MARCHF1: variants seen among roughly 807,000 people sequenced by gnomAD.
MARCHF1 encodes membrane associated ring-CH-type finger 1.
MARCHF1 carries 40 observed loss-of-function variants against 54.2 expected under a neutral mutation model. That is an observed-to-expected ratio of 0.74 (90% CI 0.57 to 0.96). The LOEUF (loss-of-function observed/expected upper bound fraction) is 0.96, where lower values mean the gene tolerates loss of function less well. Ranked by LOEUF, MARCHF1 falls within the 40% of genes least tolerant of loss-of-function variation. MARCHF1 has a pLI of 0.00. For missense variants in MARCHF1, 586 were observed against 656.5 expected (o/e 0.89, Z 1.17); for synonymous variants, 236 against 236.3 (o/e 1.00, Z 0.01).
At chr4:164,178,850 C>T (rs1334450804) in intron 1 of MARCHF1, among the ~76,000 whole-genome samples, 1 of 151,906 alleles carries the variant, frequency 6.6e-6, no homozygotes, top group Non-Finnish European at 1.5e-5. Flanking sequence ...CATACAAAGG[C>T]CTAGGGAAAA....
chr4:164,208,086 T>C (rs900093165), intron 1 of MARCHF1, among the ~76,000 whole-genome samples: 1 of 152,144 alleles, frequency 6.6e-6, no homozygotes, highest in Admixed American at 6.5e-5. Context: ...GCAAGGGGGA[T>C]TGTGTATGAA....
chr4:164,047,239 A>G (rs558519977), intron 2 of MARCHF1, among the ~76,000 whole-genome samples: 1,067 of 57,984 alleles, frequency 0.018, 14 homozygotes, highest in African/African-American at 0.12. Flanking sequence ...GCAAGAAAAA[A>G]GGCACTTCAA....
At chr4:163,562,584 A>T (rs2110981216) in intron 8 of MARCHF1, among the ~76,000 whole-genome samples, 1 of 151,868 alleles carries the variant, frequency 6.6e-6, no homozygotes, top group African/African-American at 2.4e-5. Context: ...CCCCAGTCTC[A>T]TCACACTCTC....
At chr4:163,613,434 T>C (rs762104559) in intron 5 of MARCHF1, 41 bp from the exon 6 acceptor site, 1 of 1,613,194 alleles carries the variant, frequency 6.2e-7, no homozygotes, top group Non-Finnish European at 8.5e-7. Context: ...TTGGTTAAGG[T>C]AATACATGGT....
rs35143590 is a variant in MARCHF1 at position 164,010,062 on chromosome 4, C to CTTTTT, written c.-247-21358_-247-21354dup. Among the ~76,000 whole-genome samples the CTTTTT allele has an allele frequency of 2.0e-5, 2 of 98,572 alleles. 1 individual carries two copies. Among genetic ancestry groups the CTTTTT allele is most frequent in the African/African-American group, 7.5e-5 (2 of 26,736 alleles). The allele number at this position is 98,572 out of a possible 152,430, so 64.7% of individuals were successfully genotyped here. A position where few individuals can be genotyped will look rare whatever the true frequency, so the allele number is the denominator to read the frequency against. Reference sequence around the variant, plus strand: ...AACCTAAAGACTCCATCAAAAAACTCTTTTTTTTTTTTTTTTTTTTTTTAG... The same window carrying CTTTTT: ...AACCTAAAGACTCCATCAAAAAACTCTTTTTTTTTTTTTTTTTTTTTTTTTTTTAG... On this transcript the variant is annotated intron_variant, in intron 2 of 9. Coordinates refer to ENST00000514618, the MANE Select transcript of MARCHF1 (RefSeq NM_001394959.1).
intron 5 of MARCHF1, among the ~76,000 whole-genome samples, chr4:163,698,865 C>T (rs1744714919): frequency 6.6e-6 from 1 of 152,138 alleles, no homozygotes. Flanking sequence ...AGACAGATGA[C>T]AGAGTTCTTT....
At chr4:163,618,874 G>C (rs138188064) in intron 5 of MARCHF1, among the ~76,000 whole-genome samples, 13 of 152,206 alleles carry the variant, frequency 8.5e-5, no homozygotes, top group African/African-American at 2.4e-4. Context: ...CCCAATAGTG[G>C]GGTTCTGATG....
chr4:164,052,422 C>T (rs1425010070), intron 2 of MARCHF1, among the ~76,000 whole-genome samples: 1 of 151,980 alleles, frequency 6.6e-6, no homozygotes, highest in African/African-American at 2.4e-5. Flanking sequence ...ATCCCACCTA[C>T]TATGGAGGCT....
At chr4:163,567,571 G>A (rs1739686105) in intron 8 of MARCHF1, among the ~76,000 whole-genome samples, 1 of 152,148 alleles carries the variant, frequency 6.6e-6, no homozygotes, top group African/African-American at 2.4e-5. Context: ...GGTATTTCCT[G>A]TGCTATTCTC....
intron 1 of MARCHF1, among the ~76,000 whole-genome samples, chr4:164,330,399 C>CA (rs1183894018): frequency 3.9e-5 from 6 of 152,112 alleles, no homozygotes; most frequent in African/African-American, 1.4e-4. Flanking sequence ...TCCCCTCCAT[C>CA]ACTTGATCTC....
At chr4:164,173,223 A>G (rs1228191650) in intron 1 of MARCHF1, among the ~76,000 whole-genome samples, 1 of 152,222 alleles carries the variant, frequency 6.6e-6, no homozygotes, top group Non-Finnish European at 1.5e-5. Context: ...CTTGAAGTCT[A>G]TAGTAAGAAC....
intron 3 of MARCHF1, among the ~76,000 whole-genome samples, chr4:163,883,076 G>C (rs1011469142): frequency 1.3e-5 from 2 of 152,138 alleles, no homozygotes; most frequent in African/African-American, 2.4e-5. Context: ...AAAGGCCCAT[G>C]GCACTTGTGT....
intron 1 of MARCHF1, among the ~76,000 whole-genome samples, chr4:164,173,813 G>A (rs554911714): frequency 7.2e-5 from 11 of 152,226 alleles, no homozygotes; most frequent in African/African-American, 2.4e-4. Flanking sequence ...CTGCAGAATC[G>A]TGAGCCAAAA....
chr4:163,932,856 A>T (rs1751709088), intron 3 of MARCHF1: 2 of 628,826 alleles, frequency 3.2e-6, no homozygotes, highest in Non-Finnish European at 6.2e-6. Flanking sequence ...TAATCCAGAG[A>T]GTGGGGTCTT....
rs566167496 is a variant in MARCHF1, at chr4:164,351,335, G to C, written c.-323+32535C>G. Among the ~76,000 whole-genome samples the C allele has an allele frequency of 5.9e-5, 9 of 151,348 alleles. No homozygotes were observed. The East Asian group carries it at 1.8e-3, about 30-fold the overall frequency. On this transcript the variant is annotated intron_variant, in intron 1 of 9. Coordinates refer to ENST00000514618, the MANE Select transcript of MARCHF1 (RefSeq NM_001394959.1). Reference sequence around the variant, plus strand: ...GGCACAGTCAAACAAAAAGACAGCAGTAACCTCTGCAGACTTAAATGTCCC... The same window carrying C: ...GGCACAGTCAAACAAAAAGACAGCACTAACCTCTGCAGACTTAAATGTCCC...
chr4:164,243,935 C>T (rs1341701175), intron 1 of MARCHF1, among the ~76,000 whole-genome samples: 1 of 152,110 alleles, frequency 6.6e-6, no homozygotes, highest in Non-Finnish European at 1.5e-5. Context: ...GCACCCAATA[C>T]AGGAGCACCC....
intron 3 of MARCHF1, among the ~76,000 whole-genome samples, chr4:163,909,743 G>T (rs1364701072): frequency 6.6e-6 from 1 of 152,054 alleles, no homozygotes; most frequent in Non-Finnish European, 1.5e-5. Context: ...ATAAAATTGG[G>T]TAATCCAGCT....
chr4:163,825,899 G>GGCTAT (rs1292153801), intron 4 of MARCHF1, among the ~76,000 whole-genome samples: 1 of 151,676 alleles, frequency 6.6e-6, no homozygotes, highest in Non-Finnish European at 1.5e-5. Context: ...AATTATTCAT[G>GGCTAT]GCTATCCAGA....
At chr4:163,620,688 G>A (rs75000000) in intron 5 of MARCHF1, among the ~76,000 whole-genome samples, 13,882 of 150,492 alleles carry the variant, frequency 0.092, 891 homozygotes, top group East Asian at 0.24. Context: ...ATATTTTTAG[G>A]AGAAAAATAA....
Sources: allele counts gnomAD v4.1 joint callset (sites outside exome capture counted in the v4.1 genomes callset), GRCh38; gene constraint gnomAD v4.1.1; transcripts MANE v1.5; gene names NCBI Gene and HGNC (gene_info 2026-07-23, HGNC 2026-07-21).